JAKMIP3: variants seen among roughly 807,000 people sequenced by gnomAD.
The protein encoded by JAKMIP3 is janus kinase and microtubule-interacting protein 3.
Under a neutral mutation model 118.5 loss-of-function variants are expected in JAKMIP3, and 58 were observed. The ratio of observed to expected loss-of-function variants is 0.49; its 90% CI spans 0.40 to 0.61. JAKMIP3 has a LOEUF of 0.61. Ranked by LOEUF, JAKMIP3 falls within the 20% of genes least tolerant of loss-of-function variation. The pLI is 0.00. For synonymous variants in JAKMIP3, 486 were observed against 451.2 expected (o/e 1.08, Z -0.98); for missense variants, 950 against 1,109.0 (o/e 0.86, Z 2.04).
intron 1 of JAKMIP3, among the ~76,000 whole-genome samples, chr10:132,084,354 A>G (rs1253174143): frequency 6.6e-6 from 1 of 152,182 alleles, no homozygotes; most frequent in Non-Finnish European, 1.5e-5. Flanking sequence ...CTGTTGGTGT[A>G]TAGGAGAGCT....
chr10:132,147,554 G>A (rs1022381164), intron 13 of JAKMIP3, among the ~76,000 whole-genome samples: 7 of 152,206 alleles, frequency 4.6e-5, no homozygotes, highest in African/African-American at 7.2e-5. Context: ...TACCCTCCAC[G>A]GCCTCCCTTC....
At chr10:132,087,630 T>A (rs1437636580) in intron 1 of JAKMIP3, among the ~76,000 whole-genome samples, 1 of 151,948 alleles carries the variant, frequency 6.6e-6, no homozygotes, top group Non-Finnish European at 1.5e-5. Flanking sequence ...TTCTTTCTTC[T>A]GCTTGTTTGA....
At chr10:132,136,506 T>TG (rs904404640) in intron 6 of JAKMIP3, among the ~76,000 whole-genome samples, 6 of 151,570 alleles carry the variant, frequency 4.0e-5, no homozygotes, top group African/African-American at 1.2e-4. Flanking sequence ...GAGCCAGGAG[T>TG]GGGGGGCCGT....
intron 1 of JAKMIP3, among the ~76,000 whole-genome samples, chr10:132,097,036 C>T (rs2043968640): frequency 1.3e-5 from 2 of 152,206 alleles, no homozygotes; most frequent in South Asian, 2.1e-4. Flanking sequence ...GACGCCACGG[C>T]GAGGTGCTAG....
At position 132,168,032 on chromosome 10, in the gene JAKMIP3, A is replaced by AG. The variant is rs1450268772; in HGVS notation, c.*103dup. The AG allele has an allele frequency of 2.3e-6, 3 of 1,289,622 alleles. No individual in the cohort carries two copies. In the East Asian group the frequency reaches 1.7e-4, roughly 72 times the overall value. 79.9% of individuals were successfully genotyped at this position (1,289,622 alleles called of 1,614,324 possible). A position where few individuals can be genotyped will look rare whatever the true frequency, so the allele number is the denominator to read the frequency against. On this transcript the variant is annotated 3_prime_UTR_variant, in exon 23 of 24. Coordinates refer to ENST00000684848, the MANE Select transcript of JAKMIP3 (RefSeq NM_001323087.2). ...ATGGGACGTCGCGTCTCCATCCTGA[A>AG]GACCCAGGGAGATTTGGTCTCTGCA...
rs867672772 is a variant in JAKMIP3, at chr10:132,180,670, T to C, written c.*1104-1687T>C. ...GCGTGTGCGTGTGCGTGTGTGCGTG[T>C]GTGTGCGCGCGCGTGTGTGTGCGTG... On this transcript the variant is annotated intron_variant, in intron 23 of 23. Coordinates refer to ENST00000684848, the MANE Select transcript of JAKMIP3 (RefSeq NM_001323087.2). Among the ~76,000 whole-genome samples, 163 of 29,918 alleles carry C rather than the reference T, an allele frequency of 5.4e-3. 32 individuals are homozygous for C. Among genetic ancestry groups the C allele is most frequent in the South Asian group, 8.4e-3 (6 of 718 alleles). 19.6% of individuals were successfully genotyped at this position (29,918 alleles called of 152,430 possible).
At chr10:132,085,846 A>G (rs1322048995) in intron 1 of JAKMIP3, among the ~76,000 whole-genome samples, 1 of 151,822 alleles carries the variant, frequency 6.6e-6, no homozygotes, top group Non-Finnish European at 1.5e-5. Flanking sequence ...TATCTTTTGT[A>G]TATATTTTTT....
chr10:132,090,145 G>T (rs11146159), intron 1 of JAKMIP3, among the ~76,000 whole-genome samples: 78 of 152,086 alleles, frequency 5.1e-4, no homozygotes, highest in Non-Finnish European at 9.3e-4. Context: ...ATCAATGTTC[G>T]TCAGGGATAT....
chr10:132,141,639 C>T (rs1336024858), intron 10 of JAKMIP3, among the ~76,000 whole-genome samples: 1 of 152,154 alleles, frequency 6.6e-6, no homozygotes. Flanking sequence ...ACCAGCCCAG[C>T]AGGCTCACCC....
rs750533811 is a variant in JAKMIP3, at chr10:132,117,113, C to T, written c.172C>T (p.Arg58Trp). The T allele has an allele frequency of 9.3e-6, 15 of 1,611,732 alleles. No homozygotes were observed. The highest frequency in any genetic ancestry group is 2.7e-5 in the African/African-American group (2 of 74,920). ...KVEREKNQEL[R>W]QVREHEQHKT... is the part of the protein sequence containing the mutation. ...GGAACGCGAGAAGAACCAGGAGCTG[C>T]GGCAGGTGCGCGAGCATGAGCAGCA... Residue 58 changes from arginine (R) to tryptophan (W), a missense_variant, in exon 3 of 24, where the codon CGG (arginine) becomes TGG (tryptophan). Arg to Trp is a moderately radical substitution (Grantham distance 101). Transcript: ENST00000684848. This position sits in a 1 kb window ranked among gnomAD's most constrained non-coding sequence, Gnocchi z 8.6.
At position 132,136,092 on chromosome 10, in the gene JAKMIP3, G is replaced by T. The variant is rs2051704275; in HGVS notation, c.1116+16G>T. ...CATAGAAATGGTGAGGGGGTGGGGG[G>T]CTCCACGGGGCCACGGTCGCACCCG... On this transcript the variant is annotated intron_variant, in intron 6 of 23. Coordinates refer to ENST00000684848, the MANE Select transcript of JAKMIP3 (RefSeq NM_001323087.2). 6.2e-7 allele frequency: 1 copy of T among 1,611,456 alleles called. No individual in the cohort carries two copies. Among genetic ancestry groups the T allele is most frequent in the Non-Finnish European group, 8.5e-7 (1 of 1,178,922 alleles).
intron 11 of JAKMIP3, 96 bp downstream of exon 11, chr10:132,142,144 G>GGGCCCGGGCCCCTCCTC: frequency 7.4e-7 from 1 of 1,344,698 alleles, no homozygotes; most frequent in South Asian, 1.4e-5. Context: ...TAGCCCTCCT[G>GGGCCCGGGCCCCTCCTC]GGCCCGGGCC....
chr10:132,151,079 T>C (rs1003209645), intron 16 of JAKMIP3, among the ~76,000 whole-genome samples: 7 of 151,734 alleles, frequency 4.6e-5, no homozygotes, highest in Admixed American at 4.6e-4. Context: ...CATCCATCCA[T>C]CTCCCATTCA....
chr10:132,165,627 C>T (rs936625179), intron 21 of JAKMIP3, among the ~76,000 whole-genome samples: 3 of 152,198 alleles, frequency 2.0e-5, no homozygotes, highest in African/African-American at 7.2e-5. Flanking sequence ...GTGCTGGTCC[C>T]GGCCTGAGGA....
At chr10:132,090,521 A>G (rs2042965246) in intron 1 of JAKMIP3, among the ~76,000 whole-genome samples, 1 of 152,096 alleles carries the variant, frequency 6.6e-6, no homozygotes. Flanking sequence ...GTATTCTCTG[A>G]TGGTAGTTTG....
intron 1 of JAKMIP3, among the ~76,000 whole-genome samples, chr10:132,087,619 GTTCT>G (rs199717957): frequency 0.034 from 5,086 of 151,606 alleles, 137 homozygotes; most frequent in South Asian, 0.14. Context: ...AGGCTCTGAA[GTTCT>G]TTCTTCTGCT....
At chr10:132,153,702 C>T (rs976938593) in intron 17 of JAKMIP3, 57 bp from the exon 18 acceptor site, 21 of 1,550,928 alleles carry the variant, frequency 1.4e-5, no homozygotes, top group Admixed American at 3.3e-5. Context: ...GCTGTCTCCA[C>T]GAGCCGGGGT....
rs141430338 is a variant in JAKMIP3, at chr10:132,167,153, C to G, written c.*22+98C>G. ...GCCAGGGAGTTGCCCACCTGCCATT[C>G]GATCAACTGGAAGGCGATGACCCAG... is the stretch of plus-strand genomic sequence containing the variant. On this transcript the variant is annotated intron_variant, in intron 22 of 23. Coordinates refer to ENST00000684848, the MANE Select transcript of JAKMIP3 (RefSeq NM_001323087.2). 4 of 829,802 alleles carry G rather than the reference C, an allele frequency of 4.8e-6. No individual in the cohort carries two copies. The African/African-American group carries it at 5.2e-5, about 11-fold the overall frequency. 51.4% of individuals were successfully genotyped at this position (829,802 alleles called of 1,614,324 possible). A position where few individuals can be genotyped will look rare whatever the true frequency, so the allele number is the denominator to read the frequency against.
rs909528109 is a variant in JAKMIP3, at chr10:132,183,768, T to C, written c.*2515T>C. The C allele has an allele frequency of 6.6e-6, 1 of 152,200 alleles. No homozygotes were observed. Among genetic ancestry groups the C allele is most frequent in the Non-Finnish European group, 1.5e-5 (1 of 68,018 alleles). The allele number at this position is 152,200 out of a possible 1,614,324, so 9.4% of individuals were successfully genotyped here. A position where few individuals can be genotyped will look rare whatever the true frequency, so the allele number is the denominator to read the frequency against. ...GCACCTTCTTTACATCTGATTACAA[T>C]ACCCAGCATTTCAGAACTGGGTTTT... On this transcript the variant is annotated 3_prime_UTR_variant, in exon 24 of 24. Transcript: ENST00000684848.
Sources: allele counts gnomAD v4.1 joint callset (sites outside exome capture counted in the v4.1 genomes callset), GRCh38; gene constraint gnomAD v4.1.1; non-coding constraint Gnocchi (gnomAD v3.1); transcripts MANE v1.5; gene names NCBI Gene and HGNC (gene_info 2026-07-23, HGNC 2026-07-21).